LILRB2: variants seen among roughly 807,000 people sequenced by gnomAD.
LILRB2 encodes the protein leukocyte immunoglobulin like receptor B2.
Under a neutral mutation model 72.7 loss-of-function variants are expected in LILRB2, and 47 were observed. That is an observed-to-expected ratio of 0.65 (90% CI 0.51 to 0.82). LILRB2 has a LOEUF of 0.82. Ranked by LOEUF, LILRB2 falls within the 40% of genes least tolerant of loss-of-function variation. LILRB2 has a pLI of 0.00. For missense variants in LILRB2, 767 were observed against 764.8 expected (o/e 1.00, Z -0.03); for synonymous variants, 279 against 313.7 (o/e 0.89, Z 1.17).
rs376717553 is a variant in LILRB2 at position 54,279,060 on chromosome 19, G to C, written c.707C>G (p.Ala236Gly). The C allele has an allele frequency of 1.7e-5, 28 of 1,614,182 alleles. No homozygotes were observed. The highest frequency in any genetic ancestry group is 2.2e-5 in the East Asian group (1 of 44,878). Residue 236 changes from alanine (A) to glycine (G), a missense_variant, in exon 6 of 14, where the codon GCC becomes GGC. This residue lies in a region of LILRB2 where 599 missense variants were observed against 568.2 expected (regional missense o/e 1.05). Coordinates refer to ENST00000314446, the MANE Select transcript of LILRB2 (RefSeq NM_001080978.4). ...SLSVQPGPVMAPGESLTLQCV... is the reference protein window; with the variant it reads ...SLSVQPGPVMGPGESLTLQCV... ...CTGGAGGGTCAGGCTTTCCCCAGGGGCCATGACAGGACCCGGCTGCACTGA... is the reference window on the plus strand; with the variant it reads ...CTGGAGGGTCAGGCTTTCCCCAGGGCCCATGACAGGACCCGGCTGCACTGA...
Position 54,279,774 on chromosome 19 carries a change from C to A in LILRB2, c.355+17G>T, listed in dbSNP as rs1187386258. 3 of 1,613,404 alleles carry A rather than the reference C, an allele frequency of 1.9e-6. No individual in the cohort carries two copies. Among genetic ancestry groups the A allele is most frequent in the Non-Finnish European group, 2.5e-6 (3 of 1,179,610 alleles). Reference sequence around the variant, plus strand: ...GAGGGCAGAGCCTGGGGCTGGGATCCCTGAGTGTCCTCTCACCTGTCATCA... The same window carrying A: ...GAGGGCAGAGCCTGGGGCTGGGATCACTGAGTGTCCTCTCACCTGTCATCA... On this transcript the variant is annotated intron_variant, in intron 4 of 13. Coordinates refer to ENST00000314446, the MANE Select transcript of LILRB2 (RefSeq NM_001080978.4).
chr19:54,281,080 G>A lies in LILRB2; in HGVS notation c.-168C>T. 2.2e-6 allele frequency: 1 copy of A among 445,598 alleles called. No individual in the cohort carries two copies. Among genetic ancestry groups the A allele is most frequent in the South Asian group, 1.6e-5 (1 of 62,100 alleles). 27.6% of individuals were successfully genotyped at this position (445,598 alleles called of 1,614,324 possible). A position where few individuals can be genotyped will look rare whatever the true frequency, so the allele number is the denominator to read the frequency against. On this transcript the variant is annotated 5_prime_UTR_variant, in exon 1 of 14. Transcript: ENST00000314446. ...CTGGCTGTGCTGTCCAGGTTGAGCT[G>A]TGTGTGGCAGTGAGCACAGAGGAGA... is the stretch of plus-strand genomic sequence containing the variant.
rs143311942 is a variant in LILRB2 at position 54,277,908 on chromosome 19, G to A, written c.1290C>T (p.Thr430=). Residue 430 remains threonine, a synonymous_variant, in exon 8 of 14, where the codon ACC becomes ACT. Coordinates refer to ENST00000314446, the MANE Select transcript of LILRB2 (RefSeq NM_001080978.4). ...GPSMGSSPPP[T]GPISTPGPED... ...ACTCACCAGGTGTGGAGATGGGACC[G>A]GTGGGTGGGGGGCTGGAACCCATGG... 5.3e-3 allele frequency: 8,243 copies of A among 1,544,020 alleles called. 300 individuals are homozygous for A. In the South Asian group the frequency reaches 0.07, roughly 13 times the overall value.
intron 8 of LILRB2, 115 bp downstream of exon 8, chr19:54,277,774 T>C: frequency 7.6e-7 from 1 of 1,322,208 alleles, no homozygotes. Flanking sequence ...TCTGCCCAGC[T>C]CCCTGGACAG....
intron 3 of LILRB2, 41 bp downstream of exon 3, chr19:54,280,223 A>C: frequency 1.9e-6 from 3 of 1,603,470 alleles, no homozygotes; most frequent in African/African-American, 2.7e-5. Flanking sequence ...CCTTGTCCCC[A>C]GTGAGGAGGA....
At position 54,274,432 on chromosome 19, in the gene LILRB2, C is replaced by G; in HGVS notation, c.*251G>C. ...TGATTCAGTTTAAAGCACATTCTTA[C>G]TTCTGATTTTAGTTTTCTCGGTTAA... On this transcript the variant is annotated 3_prime_UTR_variant, in exon 14 of 14. Transcript: ENST00000314446. 3 of 590,222 alleles carry G rather than the reference C, an allele frequency of 5.1e-6. No homozygotes were observed. Among genetic ancestry groups the G allele is most frequent in the Non-Finnish European group, 8.5e-6 (3 of 352,698 alleles). The allele number at this position is 590,222 out of a possible 1,614,324, so 36.6% of individuals were successfully genotyped here.
Position 54,278,849 on chromosome 19 carries a change from G to T in LILRB2, c.918C>A (p.Cys306Ter). Reference protein sequence around the residue: ...CYGAHNLSSECSAPSDPLDIL... With the variant: ...CYGAHNLSSE ...TGTCCAGGGGGTCGCTGGGGGCCGAGCACTCAGAGGAGAGGTTGTGTGCAC... is the reference window on the plus strand; with the variant it reads ...TGTCCAGGGGGTCGCTGGGGGCCGATCACTCAGAGGAGAGGTTGTGTGCAC... The change falls in exon 6 of 14, where the codon TGC becomes TGA. Residue 306 changes from cysteine (C) to a stop codon, truncating the protein, a stop_gained. Coordinates refer to ENST00000314446, the MANE Select transcript of LILRB2 (RefSeq NM_001080978.4). LOFTEE classifies it high-confidence loss of function. The T allele has an allele frequency of 2.5e-6, 4 of 1,605,406 alleles. No homozygotes were observed. Among genetic ancestry groups the T allele is most frequent in the Non-Finnish European group, 3.4e-6 (4 of 1,178,102 alleles).
Position 54,279,344 on chromosome 19 carries a change from C to T in LILRB2, c.658+1G>A. 6.2e-6 allele frequency: 10 copies of T among 1,610,046 alleles called. No individual in the cohort carries two copies. The highest frequency in any genetic ancestry group is 8.5e-6 in the Non-Finnish European group (10 of 1,177,280). On this transcript the variant is annotated splice_donor_variant, in intron 5 of 13. Transcript: ENST00000314446. LOFTEE classifies it high-confidence loss of function. Reference sequence around the variant, plus strand: ...TCCAGACAATGCTGTGAATTTCTCACCTGGGACCAGGAGCTCCAGGAGATC... The same window carrying T: ...TCCAGACAATGCTGTGAATTTCTCATCTGGGACCAGGAGCTCCAGGAGATC...
At chr19:54,275,019 C>T in intron 13 of LILRB2, 190 bp from the exon 14 acceptor site, 1 of 1,608,814 alleles carries the variant, frequency 6.2e-7, no homozygotes, top group Non-Finnish European at 8.5e-7. Flanking sequence ...TGGAGTGTTT[C>T]ACCGGGGCAT....
Position 54,279,220 on chromosome 19 carries a change from G to T in LILRB2, c.659-112C>A, listed in dbSNP as rs1187923332. Reference sequence around the variant, plus strand: ...GATCTTCCTGTGTCTCTGGCCCCAGGACCCCTGAGCCCTCTCGCCCCAACA... The same window carrying T: ...GATCTTCCTGTGTCTCTGGCCCCAGTACCCCTGAGCCCTCTCGCCCCAACA... On this transcript the variant is annotated intron_variant, in intron 5 of 13. Coordinates refer to ENST00000314446, the MANE Select transcript of LILRB2 (RefSeq NM_001080978.4). 1.4e-5 allele frequency: 22 copies of T among 1,541,310 alleles called. No individual in the cohort carries two copies. The South Asian group carries it at 2.4e-4, about 17-fold the overall frequency.
chr19:54,278,836 C>T lies in LILRB2; in HGVS notation c.931G>A (p.Asp311Asn), dbSNP rs769606276. ...CCTGTGATCAGGATGTCCAGGGGGT[C>T]GCTGGGGGCCGAGCACTCAGAGGAG... ...NLSSECSAPS[D>N]PLDILITGQI... The change falls in exon 6 of 14, where the codon GAC becomes AAC. Residue 311 changes from aspartate to asparagine, a missense_variant. Coordinates refer to ENST00000314446, the MANE Select transcript of LILRB2 (RefSeq NM_001080978.4). 6.8e-6 allele frequency: 11 copies of T among 1,612,618 alleles called. No homozygotes were observed. The highest frequency in any genetic ancestry group is 4.5e-5 in the East Asian group (2 of 44,896).
In LILRB2 at chr19:54,278,020, C is replaced by T. The variant is rs545573032; in HGVS notation, c.1259-81G>A. 21 of 1,200,754 alleles carry T rather than the reference C, an allele frequency of 1.7e-5. No individual in the cohort carries two copies. The East Asian group carries it at 3.3e-4, about 19-fold the overall frequency. The allele number at this position is 1,200,754 out of a possible 1,614,324, so 74.4% of individuals were successfully genotyped here. ...CTCAAACCAAATTTCTCTACATGGGCCCTGTGGCCTCCCCAGGCCCCTCCC... is the reference window on the plus strand; with the variant it reads ...CTCAAACCAAATTTCTCTACATGGGTCCTGTGGCCTCCCCAGGCCCCTCCC... On this transcript the variant is annotated intron_variant, in intron 7 of 13. Coordinates refer to ENST00000314446, the MANE Select transcript of LILRB2 (RefSeq NM_001080978.4).
chr19:54,277,027 C>G, intron 9 of LILRB2, 98 bp from the exon 10 acceptor site: 1 of 1,522,780 alleles, frequency 6.6e-7, no homozygotes, highest in Non-Finnish European at 8.9e-7. Context: ...CACCTCCAAC[C>G]CCCACAACAG....
In LILRB2 at chr19:54,275,462, C is replaced by A. The variant is rs561029747; in HGVS notation, c.1647+489G>T. On this transcript the variant is annotated intron_variant, in intron 13 of 13. Coordinates refer to ENST00000314446, the MANE Select transcript of LILRB2 (RefSeq NM_001080978.4). ...CACTGCCCCACACTCTCTGCCCTTT[C>A]CCTGGTGTATGTTCCTTTAAGCACG... 326 of 522,852 alleles carry A rather than the reference C, an allele frequency of 6.2e-4. 4 individuals are homozygous for A. The highest frequency in any genetic ancestry group is 6.2e-3 in the East Asian group (122 of 19,614). The allele number at this position is 522,852 out of a possible 1,614,324, so 32.4% of individuals were successfully genotyped here.
chr19:54,276,631 C>T (rs150772786), intron 10 of LILRB2, 175 bp from the exon 11 acceptor site: 7 of 1,431,554 alleles, frequency 4.9e-6, no homozygotes, highest in Non-Finnish European at 6.6e-6. Flanking sequence ...GGACTGAGCC[C>T]GGAGGACACT....
intron 5 of LILRB2, 53 bp downstream of exon 5, chr19:54,279,292 C>A: frequency 6.4e-7 from 1 of 1,574,502 alleles, no homozygotes; most frequent in East Asian, 2.2e-5. Context: ...CCCCACCTGC[C>A]TGGAGACTCA....
At position 54,280,245 on chromosome 19, in the gene LILRB2, G is replaced by T; in HGVS notation, c.70+19C>A. The T allele has an allele frequency of 7.5e-6, 12 of 1,607,872 alleles. No homozygotes were observed. The highest frequency in any genetic ancestry group is 1.0e-5 in the Non-Finnish European group (12 of 1,177,280). ...CCCAGTGAGGAGGAGGGACCTGGGA[G>T]AGCTGGGGACAGACTCACCTGTCTG... On this transcript the variant is annotated intron_variant, in intron 3 of 13. Transcript: ENST00000314446.
At chr19:54,277,640 C>A (rs1374878239) in intron 8 of LILRB2, 43 bp from the exon 9 acceptor site, 1 of 1,543,284 alleles carries the variant, frequency 6.5e-7, no homozygotes, top group African/African-American at 1.4e-5. Flanking sequence ...GGCTGCCCTG[C>A]TCCCCACATC....
chr19:54,277,361 C>G, intron 9 of LILRB2, 189 bp downstream of exon 9: 1 of 1,208,084 alleles, frequency 8.3e-7, no homozygotes, highest in Admixed American at 2.3e-5. Context: ...GAGGTCACAG[C>G]TGGGAGTGAG....
Sources: gnomAD v4.1 joint callset for allele counts on GRCh38, gnomAD v4.1.1 for gene constraint, gnomAD v4.1.1 regional missense constraint, MANE v1.5 for transcripts, NCBI Gene and HGNC (gene_info 2026-07-23, HGNC 2026-07-21) for gene names.